Variants in ERICH6B observed in about 807,000 individuals in gnomAD.
ERICH6B encodes glutamate rich 6B, also known as glutamate-rich protein 6B.
Under a neutral mutation model 80.0 loss-of-function variants are expected in ERICH6B, and 69 were observed. That is an observed-to-expected ratio of 0.86 (90% CI 0.71 to 1.05). ERICH6B has a LOEUF of 1.05. ERICH6B is among the 50% of genes least tolerant of loss of function. ERICH6B has a pLI of 0.00. For missense variants in ERICH6B, 754 were observed against 796.1 expected (o/e 0.95, Z 0.64); for synonymous variants, 283 against 291.9 (o/e 0.97, Z 0.31).
chr13:45,567,210 C>T (rs956532857), intron 9 of ERICH6B, among the ~76,000 whole-genome samples: 1 of 152,204 alleles, frequency 6.6e-6, no homozygotes, highest in African/African-American at 2.4e-5. Flanking sequence ...TTTGATTTTA[C>T]AGGCTCATAG....
intron 2 of ERICH6B, among the ~76,000 whole-genome samples, chr13:45,601,473 C>T (rs4277251): frequency 0.09 from 13,759 of 152,142 alleles, 809 homozygotes; most frequent in East Asian, 0.3. Context: ...CAGCCCTCCC[C>T]TGGGAGAGGT....
At chr13:45,585,901 T>C (rs546716122) in intron 5 of ERICH6B, among the ~76,000 whole-genome samples, 1 of 152,346 alleles carries the variant, frequency 6.6e-6, no homozygotes, top group Admixed American at 6.5e-5. Context: ...TCCACAGTGG[T>C]GTGAACAGGC....
chr13:45,615,561 C>T (rs1438207469), intron 1 of ERICH6B, 124 bp downstream of exon 1: 1 of 152,326 alleles, frequency 6.6e-6, no homozygotes, highest in Non-Finnish European at 1.5e-5. Flanking sequence ...TGCCCAGATC[C>T]TCCACTCTGC....
chr13:45,541,733 G>A, intron 14 of ERICH6B, 53 bp from the exon 15 acceptor site: 1 of 1,505,020 alleles, frequency 6.6e-7, no homozygotes, highest in African/African-American at 1.4e-5. Flanking sequence ...TGAGCACGGT[G>A]CCCCAGACCC....
At chr13:45,596,340 T>C (rs1238850882) in intron 3 of ERICH6B, 29 bp downstream of exon 3, 1 of 1,532,974 alleles carries the variant, frequency 6.5e-7, no homozygotes, top group African/African-American at 1.4e-5. Context: ...TTTCCTCCCA[T>C]AGATGCTCTC....
At chr13:45,580,267 A>G (rs571716510) in intron 6 of ERICH6B, among the ~76,000 whole-genome samples, 98 of 152,312 alleles carry the variant, frequency 6.4e-4, no homozygotes, top group Middle Eastern at 3.4e-3. Context: ...ATCCTGCCTC[A>G]TATACAGTAG....
chr13:45,559,133 G>A (rs577646422), intron 11 of ERICH6B, among the ~76,000 whole-genome samples: 51 of 152,204 alleles, frequency 3.4e-4, no homozygotes, highest in Non-Finnish European at 6.8e-4. Context: ...TAAGCTAGGA[G>A]GATTGTATAT....
intron 2 of ERICH6B, among the ~76,000 whole-genome samples, chr13:45,599,080 G>T (rs1457549790): frequency 6.6e-6 from 1 of 152,182 alleles, no homozygotes; most frequent in African/African-American, 2.4e-5. Context: ...CTCAACAGTT[G>T]CATCTCAGCA....
chr13:45,569,497 A>G (rs1175796215), intron 8 of ERICH6B, among the ~76,000 whole-genome samples: 10 of 152,200 alleles, frequency 6.6e-5, no homozygotes, highest in Admixed American at 6.5e-4. Context: ...GGATTGACCC[A>G]TAGGTGGGTC....
Position 45,569,960 on chromosome 13 carries a change from A to G in ERICH6B, c.1051-1509T>C, listed in dbSNP as rs1447101008. Among the ~76,000 whole-genome samples the G allele has an allele frequency of 5.3e-5, 8 of 152,258 alleles. 2 individuals are homozygous for G. The highest frequency in any genetic ancestry group is 5.2e-4 in the Admixed American group (8 of 15,300). ...AGTGACTTTCTGTTTGCCTAGGCCAATGATCTATCCCCATTCTGTTTGCAT... is the reference window on the plus strand; with the variant it reads ...AGTGACTTTCTGTTTGCCTAGGCCAGTGATCTATCCCCATTCTGTTTGCAT... On this transcript the variant is annotated intron_variant, in intron 8 of 14. Transcript: ENST00000298738.
Position 45,578,029 on chromosome 13 carries a change from G to T in ERICH6B, c.961+1904C>A, listed in dbSNP as rs533231895. Among the ~76,000 whole-genome samples the T allele has an allele frequency of 1.9e-3, 294 of 152,306 alleles. 2 individuals carry two copies. The highest frequency in any genetic ancestry group is 6.5e-3 in the African/African-American group (270 of 41,572). On this transcript the variant is annotated intron_variant, in intron 7 of 14. Transcript: ENST00000298738. ...CTTTGCTTGACCAAACTTTAGTCAG[G>T]CTCCCGAATCTTTTCCTAGGTCCAT...
chr13:45,570,139 G>T (rs1593785776), intron 8 of ERICH6B, among the ~76,000 whole-genome samples: 1 of 152,268 alleles, frequency 6.6e-6, no homozygotes, highest in East Asian at 1.9e-4. Context: ...CCATTTGTTT[G>T]CCTAGCCTAC....
chr13:45,577,434 C>T (rs927573450), intron 7 of ERICH6B, among the ~76,000 whole-genome samples: 1 of 151,934 alleles, frequency 6.6e-6, no homozygotes, highest in Admixed American at 6.6e-5. Flanking sequence ...CAGGCGTGTG[C>T]CACCATGCCA....
At chr13:45,578,313 A>G (rs1235099933) in intron 7 of ERICH6B, among the ~76,000 whole-genome samples, 2 of 152,344 alleles carry the variant, frequency 1.3e-5, no homozygotes, top group East Asian at 3.9e-4. Flanking sequence ...CTCCTTGGGT[A>G]TAAATTCTCA....
At chr13:45,588,249 T>A (rs1225281285) in intron 4 of ERICH6B, among the ~76,000 whole-genome samples, 1 of 152,150 alleles carries the variant, frequency 6.6e-6, no homozygotes, top group Non-Finnish European at 1.5e-5. Context: ...GAAGTCTCCC[T>A]TCAGGGTCTG....
intron 6 of ERICH6B, 141 bp from the exon 7 acceptor site, chr13:45,580,115 TA>T: frequency 4.3e-6 from 3 of 692,188 alleles, no homozygotes; most frequent in Non-Finnish European, 7.3e-6. Context: ...TGTTTTGGGA[TA>T]AAAGCCTTCC....
chr13:45,590,655 T>A lies in ERICH6B; in HGVS notation c.680A>T (p.Asp227Val). 6.4e-7 allele frequency: 1 copy of A among 1,551,584 alleles called. No individual in the cohort carries two copies. Among genetic ancestry groups the A allele is most frequent in the Non-Finnish European group, 8.7e-7 (1 of 1,146,972 alleles). Residue 227 changes from aspartate (D) to valine (V), a missense_variant, in exon 4 of 15, where the codon GAT becomes GTT. Physicochemically the swap from Asp to Val is radical, Grantham distance 152. Coordinates refer to ENST00000298738, the MANE Select transcript of ERICH6B (RefSeq NM_182542.3). ...CCCAAAAGAAAACTGTTACCTTGCA[T>A]CACGAAGAAGCATGGTTTGTGATGA... ...SYSSQTMLLR[D>V]ARSPDAGPSQ...
intron 14 of ERICH6B, among the ~76,000 whole-genome samples, chr13:45,542,046 G>A (rs551379950): frequency 6.6e-6 from 1 of 152,290 alleles, no homozygotes; most frequent in East Asian, 1.9e-4. Context: ...CAAGAGCTGG[G>A]ATGCCTCACA....
intron 11 of ERICH6B, among the ~76,000 whole-genome samples, chr13:45,552,452 T>C (rs2137964930): frequency 6.6e-6 from 1 of 152,026 alleles, no homozygotes; most frequent in Non-Finnish European, 1.5e-5. Context: ...TTACATTCTC[T>C]GTTCTGCATG....
Sources: allele counts gnomAD v4.1 joint callset (sites outside exome capture counted in the v4.1 genomes callset), GRCh38; gene constraint gnomAD v4.1.1; transcripts MANE v1.5; gene names NCBI Gene and HGNC (gene_info 2026-07-23, HGNC 2026-07-21).